DAB1: variants seen among roughly 807,000 people sequenced by gnomAD.
DAB1 encodes the protein DAB adaptor protein 1.
In DAB1, 15 loss-of-function variants were observed where a neutral mutation model predicts 64.6. The ratio of observed to expected loss-of-function variants is 0.23; its 90% CI spans 0.16 to 0.36. The LOEUF (loss-of-function observed/expected upper bound fraction) is 0.36. DAB1 is among the 10% of genes least tolerant of loss of function. DAB1 has a pLI of 1.00. For synonymous variants in DAB1, 235 were observed against 251.9 expected (o/e 0.93, Z 0.64); for missense variants, 596 against 706.7 (o/e 0.84, Z 1.78).
intron 4 of DAB1, among the ~76,000 whole-genome samples, chr1:57,087,560 C>A (rs1352864517): frequency 6.6e-6 from 1 of 152,134 alleles, no homozygotes; most frequent in Non-Finnish European, 1.5e-5. Context: ...TAGGGCCCTT[C>A]CATATGACTT....
At chr1:57,128,165 AAAT>A (rs1657323557) in intron 4 of DAB1, among the ~76,000 whole-genome samples, 1 of 143,168 alleles carries the variant, frequency 7.0e-6, no homozygotes, top group Admixed American at 6.8e-5. Flanking sequence ...ATAAATAAAT[AAAT>A]AAATAAATAA....
At chr1:57,982,140 G>C (rs991616544) in intron 5 of DAB1, among the ~76,000 whole-genome samples, 15 of 152,150 alleles carry the variant, frequency 9.9e-5, no homozygotes, top group African/African-American at 2.4e-5. Context: ...CTTTCCTCAG[G>C]TGAAGTGGTT....
In DAB1 at chr1:58,134,071, T is replaced by C. The variant is rs187701149; in HGVS notation, n.387+16440A>G. Among the ~76,000 whole-genome samples the C allele has an allele frequency of 6.3e-3, 965 of 152,310 alleles. 7 individuals carry two copies. The highest frequency in any genetic ancestry group is 8.8e-3 in the Non-Finnish European group (600 of 68,020). The stretch of plus-strand genomic sequence containing the variant: ...TTCCCTGTTTGAGCCTCATTTTCCT[T>C]AGTTATCAAATAAAGTATTTTCTTA... On this transcript the variant is annotated intron_variant and non_coding_transcript_variant, in intron 5 of 20. Transcript: ENST00000485760.
intron 10 of DAB1, among the ~76,000 whole-genome samples, chr1:57,024,019 G>A (rs1306926238): frequency 6.6e-6 from 1 of 152,052 alleles, no homozygotes; most frequent in Non-Finnish European, 1.5e-5. Flanking sequence ...ACCCTTTAGA[G>A]GTGGCCAACT....
At chr1:57,318,475 T>C (rs1224925594) in intron 1 of DAB1, among the ~76,000 whole-genome samples, 1 of 152,114 alleles carries the variant, frequency 6.6e-6, no homozygotes, top group Non-Finnish European at 1.5e-5. Flanking sequence ...TATACCTCCA[T>C]AAGCCAGGCA....
chr1:57,845,734 T>C (rs1234981849), intron 1 of DAB1, among the ~76,000 whole-genome samples: 1 of 152,182 alleles, frequency 6.6e-6, no homozygotes, highest in African/African-American at 2.4e-5. Flanking sequence ...TTGATGAATA[T>C]ATGTCAAATG....
intron 2 of DAB1, among the ~76,000 whole-genome samples, chr1:57,209,304 G>T (rs747492546): frequency 1.3e-5 from 2 of 152,188 alleles, no homozygotes; most frequent in Non-Finnish European, 2.9e-5. Context: ...AGTGTGGAAA[G>T]CCTAAACCAT....
chr1:57,612,891 A>G (rs1364618531), intron 7 of DAB1, among the ~76,000 whole-genome samples: 1 of 152,178 alleles, frequency 6.6e-6, no homozygotes, highest in Non-Finnish European at 1.5e-5. Context: ...GATTTGTTGC[A>G]TCAGTGAATG....
At chr1:57,403,170 A>G (rs75996571) in intron 1 of DAB1, among the ~76,000 whole-genome samples, 352 of 152,090 alleles carry the variant, frequency 2.3e-3, no homozygotes, top group African/African-American at 8.1e-3. Context: ...TACCTCCTCA[A>G]TCCTGACCAT....
intron 4 of DAB1, among the ~76,000 whole-genome samples, chr1:57,079,500 A>G (rs1237915168): frequency 6.6e-6 from 1 of 152,116 alleles, no homozygotes. Flanking sequence ...CAGTCACACC[A>G]CAGGATGAAG....
At chr1:57,399,993 G>C (rs1683111583) in intron 1 of DAB1, among the ~76,000 whole-genome samples, 1 of 152,194 alleles carries the variant, frequency 6.6e-6, no homozygotes, top group Non-Finnish European at 1.5e-5. Context: ...CTCACTCACT[G>C]AATGGCCACC....
At chr1:57,325,226 C>G (rs1245465673) in intron 1 of DAB1, among the ~76,000 whole-genome samples, 2 of 152,222 alleles carry the variant, frequency 1.3e-5, no homozygotes, top group Admixed American at 1.3e-4. Flanking sequence ...ATTCCCTTGG[C>G]ACATCTCTGT....
At chr1:57,760,624 A>T (rs61768392) in intron 6 of DAB1, among the ~76,000 whole-genome samples, 31,043 of 84,276 alleles carry the variant, frequency 0.37, 4,494 homozygotes, top group East Asian at 0.55. Context: ...TCTCTCTCAC[A>T]CACACACACA....
intron 5 of DAB1, among the ~76,000 whole-genome samples, chr1:58,086,813 T>G (rs1254668598): frequency 6.6e-6 from 1 of 151,884 alleles, no homozygotes; most frequent in East Asian, 1.9e-4. Flanking sequence ...AAACCCCTAT[T>G]CACTCTTTAA....
chr1:58,259,548 T>A lies in DAB1; in HGVS notation n.309+83804A>T, dbSNP rs192116949. Among the ~76,000 whole-genome samples the A allele has an allele frequency of 1.5e-3, 234 of 152,236 alleles. 1 individual carries two copies. The highest frequency in any genetic ancestry group is 6.8e-3 in the Middle Eastern group (2 of 294). ...TAGCCATTTGCCTCCAAATCTAACA[T>A]CCCCTATAGGCCATAAGTTCCTGTA... On this transcript the variant is annotated intron_variant and non_coding_transcript_variant, in intron 4 of 20. Coordinates refer to the DAB1 transcript ENST00000485760.
At chr1:58,120,466 A>G (rs543028850) in intron 5 of DAB1, among the ~76,000 whole-genome samples, 3 of 152,312 alleles carry the variant, frequency 2.0e-5, no homozygotes, top group East Asian at 3.9e-4. Flanking sequence ...TATTACCCCT[A>G]TGAACCTCAG....
intron 5 of DAB1, among the ~76,000 whole-genome samples, chr1:58,075,921 C>T (rs1318241994): frequency 6.8e-6 from 1 of 147,770 alleles, no homozygotes; most frequent in African/African-American, 2.4e-5. Context: ...ATATCTGTTA[C>T]AAGTCTTTCT....
intron 2 of DAB1, among the ~76,000 whole-genome samples, chr1:57,153,740 C>A (rs992424489): frequency 6.6e-6 from 1 of 152,000 alleles, no homozygotes; most frequent in African/African-American, 2.4e-5. Flanking sequence ...CAGGTTCACG[C>A]CATTCTCTTG....
rs1001367359 is a variant in DAB1, at chr1:58,095,897, G to T, written n.387+54614C>A. Among the ~76,000 whole-genome samples, 9 of 152,292 alleles carry T rather than the reference G, an allele frequency of 5.9e-5. No individual in the cohort carries two copies. In the East Asian group the frequency reaches 1.7e-3, roughly 29 times the overall value. On this transcript the variant is annotated intron_variant and non_coding_transcript_variant, in intron 5 of 20. Coordinates refer to the DAB1 transcript ENST00000485760. ...GTCAGAAATTATGTGGCCAGTGGAG[G>T]CCTGGGGATTGAATGATGTTTACCA...
Sources: gnomAD v4.1 joint callset for allele counts (sites outside exome capture counted in the v4.1 genomes callset) on GRCh38, gnomAD v4.1.1 for gene constraint, MANE v1.5 for transcripts, NCBI Gene and HGNC (gene_info 2026-07-23, HGNC 2026-07-21) for gene names.